The following SLCO1B1 variants were observed in gnomAD, a reference collection of about 807,000 sequenced individuals.
The protein encoded by SLCO1B1 is solute carrier organic anion transporter family member 1B1.
A neutral mutation model predicts 70.1 loss-of-function variants in SLCO1B1; 81 were observed. That is an observed-to-expected ratio of 1.16 (90% CI 0.97 to 1.39). The LOEUF (loss-of-function observed/expected upper bound fraction) is 1.39, where lower values mean the gene tolerates loss of function less well. SLCO1B1 is among the 40% of genes most tolerant of loss of function. The probability of loss-of-function intolerance (pLI) is 0.00; values close to 1 mark genes in which losing one functional copy is unlikely to be tolerated. For missense variants in SLCO1B1, 895 were observed against 799.6 expected (o/e 1.12, Z -1.44); for synonymous variants, 283 against 271.5 (o/e 1.04, Z -0.42).
intron 7 of SLCO1B1, among the ~76,000 whole-genome samples, chr12:21,190,950 G>T (rs1200988697): frequency 2.0e-5 from 3 of 151,576 alleles, no homozygotes; most frequent in African/African-American, 7.3e-5. Context: ...ATTTTATTCT[G>T]CATATTTCTT....
rs1940825571 is a variant in SLCO1B1, at chr12:21,176,776, T to G, written c.360T>G (p.Tyr120Ter). ...LTALPHFFMG[Y>*]YRYSKETNIN... The stretch of plus-strand genomic sequence containing the variant: ...GTTTAATTCAGTGATGTTCTTACAG[T>G]TACAGGTATTCTAAAGAAACTAATA... The change falls in exon 5 of 15, where the codon TAT becomes TAG. Residue 120 changes from tyrosine (Y) to a stop codon, truncating the protein, a stop_gained and splice_region_variant. Coordinates refer to ENST00000256958, the MANE Select transcript of SLCO1B1 (RefSeq NM_006446.5). LOFTEE classifies it high-confidence loss of function. 2 of 1,528,950 alleles carry G rather than the reference T, an allele frequency of 1.3e-6. No homozygotes were observed. The highest frequency in any genetic ancestry group is 1.8e-6 in the Non-Finnish European group (2 of 1,104,390). 94.7% of individuals were successfully genotyped at this position (1,528,950 alleles called of 1,614,324 possible). A position where few individuals can be genotyped will look rare whatever the true frequency, so the allele number is the denominator to read the frequency against.
At chr12:21,140,318 A>G (rs1241288397) in intron 1 of SLCO1B1, among the ~76,000 whole-genome samples, 1 of 152,094 alleles carries the variant, frequency 6.6e-6, no homozygotes, top group Non-Finnish European at 1.5e-5. Flanking sequence ...TCTTAGATAC[A>G]TAAATATGTA....
Position 21,224,755 on chromosome 12 carries a change from T to C in SLCO1B1, c.1781T>C (p.Leu594Pro), listed in dbSNP as rs761720319. The change falls in exon 14 of 15, where the codon CTG becomes CCG. Residue 594 changes from leucine (L) to proline (P), a missense_variant. By Grantham distance (98) the Leu-to-Pro change is moderately conservative. Coordinates refer to ENST00000256958, the MANE Select transcript of SLCO1B1 (RefSeq NM_006446.5). Reference protein sequence around the residue: ...GILAPIYFGALIDTTCIKWST... With the variant: ...GILAPIYFGAPIDTTCIKWST... ...CTAGCTCCAATATATTTTGGGGCTC[T>C]GATTGATACAACGTGTATAAAGTGG... The C allele has an allele frequency of 7.4e-6, 12 of 1,612,108 alleles. No individual in the cohort carries two copies. The South Asian group carries it at 1.3e-4, about 18-fold the overall frequency.
chr12:21,160,681 A>G (rs753603199), intron 2 of SLCO1B1, among the ~76,000 whole-genome samples: 8 of 152,180 alleles, frequency 5.3e-5, no homozygotes, highest in Non-Finnish European at 8.8e-5. Flanking sequence ...AATTAAACTT[A>G]AGAGCTTCTG....
At chr12:21,152,533 C>CTTTTGTTTTTTTTTTT (rs1940485235) in intron 2 of SLCO1B1, among the ~76,000 whole-genome samples, 3 of 34,356 alleles carry the variant, frequency 8.7e-5, no homozygotes, top group Non-Finnish European at 1.0e-4. Flanking sequence ...AGAGGAGAGG[C>CTTTTGTTTTTTTTTTT]TTTTTTTTTT....
At chr12:21,146,791 G>T (rs1940388963) in intron 2 of SLCO1B1, among the ~76,000 whole-genome samples, 1 of 152,082 alleles carries the variant, frequency 6.6e-6, no homozygotes, top group Non-Finnish European at 1.5e-5. Context: ...TGTCATCTAA[G>T]AGAAGACATT....
intron 1 of SLCO1B1, among the ~76,000 whole-genome samples, chr12:21,136,158 C>G (rs1940218340): frequency 6.6e-6 from 1 of 152,118 alleles, no homozygotes; most frequent in Non-Finnish European, 1.5e-5. Context: ...GAATATTGGT[C>G]CCCACTCTCT....
At chr12:21,218,804 A>T (rs1941390912) in intron 12 of SLCO1B1, among the ~76,000 whole-genome samples, 1 of 152,222 alleles carries the variant, frequency 6.6e-6, no homozygotes, top group African/African-American at 2.4e-5. Context: ...AAATTGATTA[A>T]ATCAGCATTA....
chr12:21,139,927 A>G (rs1940283786), intron 1 of SLCO1B1, among the ~76,000 whole-genome samples: 2 of 138,098 alleles, frequency 1.4e-5, no homozygotes, highest in Non-Finnish European at 3.3e-5. Flanking sequence ...GGTGCACAAG[A>G]GTATCTGAGG....
intron 2 of SLCO1B1, among the ~76,000 whole-genome samples, chr12:21,160,421 C>G (rs1036506702): frequency 6.6e-6 from 1 of 150,838 alleles, no homozygotes; most frequent in Non-Finnish European, 1.5e-5. Flanking sequence ...ACTAGCTGGT[C>G]ATACACAGAA....
Position 21,217,135 on chromosome 12 carries a change from G to T in SLCO1B1, c.1514G>T (p.Ser505Ile). Residue 505 changes from serine to isoleucine, a missense_variant, in exon 12 of 15, where the codon AGT becomes ATT. Transcript: ENST00000256958. ...ACGCTTAAGGTGTTTTACAACTGCA[G>T]TTGTTTGGAAGTAACTGGTCTCCAG... ...NKKPIVFYNC[S>I]CLEVTGLQNR... 2 of 1,613,374 alleles carry T rather than the reference G, an allele frequency of 1.2e-6. No individual in the cohort carries two copies. The highest frequency in any genetic ancestry group is 1.1e-5 in the South Asian group (1 of 91,060).
In SLCO1B1 at chr12:21,173,771, CT is replaced by C. The variant is rs55687335; in HGVS notation, c.227-787del. On this transcript the variant is annotated intron_variant, in intron 3 of 14. Coordinates refer to ENST00000256958, the MANE Select transcript of SLCO1B1 (RefSeq NM_006446.5). ...CCAGATGGATTAGAAGTGGTCATGA[CT>C]TTTTTTTTTTTTTTTTTTGAGACGG... Among the ~76,000 whole-genome samples, 1,107 of 115,024 alleles carry C rather than the reference CT, an allele frequency of 9.6e-3. 5 individuals carry two copies. The highest frequency in any genetic ancestry group is 0.024 in the Admixed American group (259 of 10,844). The allele number at this position is 115,024 out of a possible 152,430, so 75.5% of individuals were successfully genotyped here. A position where few individuals can be genotyped will look rare whatever the true frequency, so the allele number is the denominator to read the frequency against.
At chr12:21,197,422 A>G (rs1406137252) in intron 8 of SLCO1B1, among the ~76,000 whole-genome samples, 5 of 152,104 alleles carry the variant, frequency 3.3e-5, no homozygotes, top group Admixed American at 2.6e-4. Flanking sequence ...AAACCAACAA[A>G]AGTTTACAAA....
chr12:21,211,314 A>C (rs2121166819), intron 11 of SLCO1B1, among the ~76,000 whole-genome samples: 1 of 152,282 alleles, frequency 6.6e-6, no homozygotes, highest in South Asian at 2.1e-4. Flanking sequence ...ATCTATTGAG[A>C]TAATCATGTG....
chr12:21,137,077 A>G (rs572760882), intron 1 of SLCO1B1, among the ~76,000 whole-genome samples: 46 of 152,174 alleles, frequency 3.0e-4, no homozygotes, highest in African/African-American at 1.1e-3. Flanking sequence ...CAGGTCTGTT[A>G]GAGTTTGCTA....
chr12:21,209,971 A>G (rs1223229163), intron 11 of SLCO1B1, among the ~76,000 whole-genome samples: 1 of 151,880 alleles, frequency 6.6e-6, no homozygotes, highest in East Asian at 1.9e-4. Flanking sequence ...CCTTTGTCAG[A>G]TGAGTAGGTT....
intron 7 of SLCO1B1, among the ~76,000 whole-genome samples, chr12:21,188,031 CT>C (rs1940983731): frequency 6.6e-6 from 1 of 152,092 alleles, no homozygotes; most frequent in Non-Finnish European, 1.5e-5. Flanking sequence ...CTGTTTTTGG[CT>C]TCTTTTATAA....
chr12:21,147,979 T>C (rs1256529049), intron 2 of SLCO1B1, among the ~76,000 whole-genome samples: 1 of 152,214 alleles, frequency 6.6e-6, no homozygotes, highest in East Asian at 1.9e-4. Flanking sequence ...GCTTTTTTAA[T>C]ATGTTTGTTG....
chr12:21,166,887 A>C (rs1053535007), intron 2 of SLCO1B1, among the ~76,000 whole-genome samples: 2 of 152,226 alleles, frequency 1.3e-5, no homozygotes, highest in African/African-American at 4.8e-5. Flanking sequence ...GTTAGAAGCA[A>C]CCAAGGTGTC....
Sources: gnomAD v4.1 joint callset for allele counts (sites outside exome capture counted in the v4.1 genomes callset) on GRCh38, gnomAD v4.1.1 for gene constraint, MANE v1.5 for transcripts, NCBI Gene and HGNC (gene_info 2026-07-23, HGNC 2026-07-21) for gene names.